NPTN: variants seen among roughly 807,000 people sequenced by gnomAD.
NPTN encodes neuroplastin.
Under a neutral mutation model 42.7 loss-of-function variants are expected in NPTN, and 5 were observed. The ratio of observed to expected loss-of-function variants is 0.12; its 90% CI spans 0.06 to 0.25. The LOEUF (loss-of-function observed/expected upper bound fraction) is 0.25. Ranked by LOEUF, NPTN falls within the 10% of genes least tolerant of loss-of-function variation. The pLI is 1.00. For synonymous variants in NPTN, 180 were observed against 201.9 expected (o/e 0.89, Z 0.92); for missense variants, 307 against 525.4 (o/e 0.58, Z 4.06).
At chr15:73,595,036 G>A (rs1896769552) in intron 2 of NPTN, among the ~76,000 whole-genome samples, 2 of 152,076 alleles carry the variant, frequency 1.3e-5, no homozygotes, top group South Asian at 4.1e-4. Context: ...GACTGATGGG[G>A]AAGTCTGAAG....
chr15:73,561,092 C>G (rs1022608617), intron 8 of NPTN, 44 bp from the exon 9 acceptor site: 5 of 152,486 alleles, frequency 3.3e-5, no homozygotes, highest in African/African-American at 1.2e-4. Flanking sequence ...GGATTATGCA[C>G]TGTCACTCAC....
chr15:73,567,422 G>C (rs1895093788), intron 6 of NPTN: 1 of 985,254 alleles, frequency 1.0e-6, no homozygotes, highest in African/African-American at 1.7e-5. Context: ...ACACTCCCAA[G>C]TTTGTGTCAA....
At chr15:73,594,299 T>C (rs1412732925) in intron 2 of NPTN, among the ~76,000 whole-genome samples, 3 of 152,140 alleles carry the variant, frequency 2.0e-5, no homozygotes, top group Non-Finnish European at 4.4e-5. Context: ...ATGCTACTCT[T>C]ACCTGTGGCG....
intron 1 of NPTN, among the ~76,000 whole-genome samples, chr15:73,625,483 G>A (rs1186758990): frequency 2.0e-5 from 3 of 151,908 alleles, no homozygotes; most frequent in South Asian, 2.1e-4. Context: ...AGGTGCCGGC[G>A]ACCACCCCTG....
chr15:73,564,500 A>G (rs1040140771), intron 6 of NPTN, among the ~76,000 whole-genome samples: 7 of 152,186 alleles, frequency 4.6e-5, no homozygotes, highest in Admixed American at 6.5e-5. Flanking sequence ...AGAACTAACC[A>G]CAAACCAATG....
rs77526066 is a variant in NPTN, at chr15:73,629,406, G to A, written c.91+3719C>T. ...TCATTTCAGTTCAAAGAGGAAACAC[G>A]CAATCAATTAGCAAATACACCTCTA... On this transcript the variant is annotated intron_variant, in intron 1 of 8. Coordinates refer to ENST00000345330, the MANE Select transcript of NPTN (RefSeq NM_012428.4). Among the ~76,000 whole-genome samples the A allele has an allele frequency of 4.5e-3, 682 of 152,232 alleles. 6 individuals are homozygous for A. The highest frequency in any genetic ancestry group is 7.6e-3 in the Non-Finnish European group (516 of 68,024).
Position 73,632,138 on chromosome 15 carries a change from A to T in NPTN, c.91+987T>A, listed in dbSNP as rs1173798433. 4.6e-5 allele frequency among the ~76,000 whole-genome samples: 7 copies of T among 152,208 alleles called. 1 individual carries two copies. The highest frequency in any genetic ancestry group is 3.4e-3 in the Middle Eastern group (1 of 294). ...TCCCTGTTTTCCCAAAGGCCCGACC[A>T]ATATCATACAGCATTTGCCACATCC... On this transcript the variant is annotated intron_variant, in intron 1 of 8. Transcript: ENST00000345330.
At chr15:73,564,375 G>A (rs376122319) in intron 6 of NPTN, among the ~76,000 whole-genome samples, 8 of 152,140 alleles carry the variant, frequency 5.3e-5, no homozygotes, top group South Asian at 2.1e-4. Context: ...AGCACATGTC[G>A]GGAGTAATGT....
At chr15:73,561,380 G>A (rs149254446) in intron 8 of NPTN, among the ~76,000 whole-genome samples, 39 of 152,240 alleles carry the variant, frequency 2.6e-4, no homozygotes, top group African/African-American at 8.9e-4. Context: ...ATAAACATGT[G>A]ACACAATGCA....
chr15:73,589,103 G>A (rs900628130), intron 3 of NPTN, among the ~76,000 whole-genome samples: 2 of 152,274 alleles, frequency 1.3e-5, no homozygotes, highest in African/African-American at 4.8e-5. Flanking sequence ...AGGCTGAGGT[G>A]TGTGGACTGC....
At chr15:73,573,903 G>A (rs1415739610) in intron 4 of NPTN, 108 bp from the exon 5 acceptor site, 2 of 1,371,748 alleles carry the variant, frequency 1.5e-6, no homozygotes, top group African/African-American at 3.0e-5. Context: ...CAGTCTTTAT[G>A]CTTACTGTCA....
intron 1 of NPTN, among the ~76,000 whole-genome samples, chr15:73,605,085 G>C (rs1038827964): frequency 7.1e-6 from 1 of 139,942 alleles, no homozygotes; most frequent in African/African-American, 2.7e-5. Flanking sequence ...TGACAGAGTA[G>C]AGACCCTGTC....
In NPTN at chr15:73,597,357, T is replaced by G; in HGVS notation, c.104A>C (p.Lys35Thr). Residue 35 changes from lysine to threonine, a missense_variant, in exon 2 of 9, where the codon AAG (lysine) becomes ACG (threonine). This residue lies in a region of NPTN where 264 missense variants were observed against 491.1 expected (regional missense o/e 0.54). Transcript: ENST00000345330. This position sits in a 1 kb window ranked among gnomAD's most constrained non-coding sequence, Gnocchi z 6.3. Reference sequence around the variant, plus strand: ...GAGCTTAGTTTCTGACATGGGCGACTTGACAAACCCAGCTAGAGGGAGGGG... The same window carrying G: ...GAGCTTAGTTTCTGACATGGGCGACGTGACAAACCCAGCTAGAGGGAGGGG... ...PGAAQNAGFV[K>T]SPMSETKLTG... The G allele has an allele frequency of 6.2e-7, 1 of 1,610,786 alleles. No individual in the cohort carries two copies. Among genetic ancestry groups the G allele is most frequent in the Non-Finnish European group, 8.5e-7 (1 of 1,178,258 alleles).
At chr15:73,580,413 A>ATATATAATATATATAT (rs1239465244) in intron 4 of NPTN, among the ~76,000 whole-genome samples, 6 of 111,420 alleles carry the variant, frequency 5.4e-5, no homozygotes, top group African/African-American at 2.1e-4. Context: ...TATATATAAT[A>ATATATAATATATATAT]TATATATAAT....
At chr15:73,588,624 A>G (rs975962041) in intron 3 of NPTN, among the ~76,000 whole-genome samples, 2 of 152,124 alleles carry the variant, frequency 1.3e-5, no homozygotes, top group Non-Finnish European at 2.9e-5. Flanking sequence ...CAAAACCTCC[A>G]CACAAGATGT....
chr15:73,632,237 C>T (rs1036404243), intron 1 of NPTN, among the ~76,000 whole-genome samples: 1 of 151,852 alleles, frequency 6.6e-6, no homozygotes, highest in Non-Finnish European at 1.5e-5. Flanking sequence ...GCATTTTACT[C>T]CCTTCCCTTA....
At chr15:73,601,530 T>C (rs924949823) in intron 1 of NPTN, among the ~76,000 whole-genome samples, 5 of 152,156 alleles carry the variant, frequency 3.3e-5, no homozygotes, top group African/African-American at 4.8e-5. Context: ...CTGCCTTTCA[T>C]TACTAAGGGC....
chr15:73,602,199 GACTA>G (rs1398849886), intron 1 of NPTN, among the ~76,000 whole-genome samples: 4 of 152,036 alleles, frequency 2.6e-5, no homozygotes, highest in Non-Finnish European at 5.9e-5. Flanking sequence ...CAAGAAATCA[GACTA>G]ACTTTCTCTC....
chr15:73,568,608 T>TA, intron 6 of NPTN: 8 of 985,410 alleles, frequency 8.1e-6, no homozygotes, highest in Non-Finnish European at 9.6e-6. Context: ...GAAAAAGCAT[T>TA]AGGAGTACAT....
Sources: allele counts gnomAD v4.1 joint callset (sites outside exome capture counted in the v4.1 genomes callset), GRCh38; gene constraint gnomAD v4.1.1; regional missense constraint gnomAD v4.1.1; non-coding constraint Gnocchi (gnomAD v3.1); transcripts MANE v1.5; gene names NCBI Gene and HGNC (gene_info 2026-07-23, HGNC 2026-07-21).